Variants in RC3H1 observed in about 807,000 individuals in gnomAD.
RC3H1 encodes ring finger and CCCH-type domains 1.
Under a neutral mutation model 138.2 loss-of-function variants are expected in RC3H1, and 50 were observed. That is an observed-to-expected ratio of 0.36 (90% confidence interval 0.29 to 0.46). RC3H1 has a LOEUF of 0.46. RC3H1 is among the 20% of genes least tolerant of loss of function. The pLI is 1.00. For synonymous variants in RC3H1, 462 were observed against 489.1 expected (o/e 0.94, Z 0.73); for missense variants, 1,031 against 1,388.1 (o/e 0.74, Z 4.09).
Position 173,978,419 on chromosome 1 carries a change from T to A in RC3H1, c.1102+69A>T. ...GAAACCCTAGAGGAACAACAAAAGATAATTAAAGAATCATTGAGCAGCACG... is the reference window on the plus strand; with the variant it reads ...GAAACCCTAGAGGAACAACAAAAGAAAATTAAAGAATCATTGAGCAGCACG... On this transcript the variant is annotated intron_variant, in intron 7 of 19. Transcript: ENST00000367696. The A allele has an allele frequency of 2.0e-6, 3 of 1,522,542 alleles. No individual in the cohort carries two copies. The East Asian group carries it at 6.9e-5, about 35-fold the overall frequency. The allele number at this position is 1,522,542 out of a possible 1,614,324, so 94.3% of individuals were successfully genotyped here. A position where few individuals can be genotyped will look rare whatever the true frequency, so the allele number is the denominator to read the frequency against.
At chr1:173,965,928 C>T (rs1324060233) in intron 9 of RC3H1, among the ~76,000 whole-genome samples, 1 of 152,068 alleles carries the variant, frequency 6.6e-6, no homozygotes, top group Non-Finnish European at 1.5e-5. Flanking sequence ...ATCACTTGAG[C>T]TCAGGAGTTT....
At chr1:173,968,595 A>G (rs1042115311) in intron 9 of RC3H1, among the ~76,000 whole-genome samples, 1 of 152,134 alleles carries the variant, frequency 6.6e-6, no homozygotes, top group Non-Finnish European at 1.5e-5. Flanking sequence ...TTCTAGTACT[A>G]AAGTTTTTCC....
At chr1:173,980,772 G>T (rs1176892493) in intron 6 of RC3H1, 37 bp downstream of exon 6, 20 of 1,512,556 alleles carry the variant, frequency 1.3e-5, no homozygotes, top group Non-Finnish European at 1.7e-5. Flanking sequence ...AAAATGCCAA[G>T]ATTAGTCTAA....
intron 2 of RC3H1, among the ~76,000 whole-genome samples, chr1:173,989,544 T>C (rs1370536073): frequency 7.2e-5 from 11 of 152,146 alleles, no homozygotes; most frequent in Non-Finnish European, 1.5e-4. Flanking sequence ...CTTATCTTTT[T>C]CTTTTGTTCC....
At chr1:174,019,598 T>G (rs554334528) in intron 1 of RC3H1, among the ~76,000 whole-genome samples, 1 of 152,340 alleles carries the variant, frequency 6.6e-6, no homozygotes, top group Admixed American at 6.5e-5. Flanking sequence ...TACCCTTTTT[T>G]ATTTCTTCAA....
rs1658624802 is a variant in RC3H1, at chr1:173,936,823, C to T, written c.*1898G>A. ...ATAAGAAAACTGGAAAAAAAAAAAG[C>T]CTCACCTTCATTCAGTGCTTCTACC... On this transcript the variant is annotated 3_prime_UTR_variant, in exon 20 of 20. Coordinates refer to ENST00000367696, the MANE Select transcript of RC3H1 (RefSeq NM_172071.4). The T allele has an allele frequency of 7.6e-6, 1 of 132,192 alleles. No individual in the cohort carries two copies. Among genetic ancestry groups the T allele is most frequent in the South Asian group, 2.3e-4 (1 of 4,362 alleles). 8.2% of individuals were successfully genotyped at this position (132,192 alleles called of 1,614,324 possible). A position where few individuals can be genotyped will look rare whatever the true frequency, so the allele number is the denominator to read the frequency against.
At chr1:173,945,743 T>C (rs571774711) in intron 17 of RC3H1, among the ~76,000 whole-genome samples, 35 of 151,898 alleles carry the variant, frequency 2.3e-4, no homozygotes, top group Non-Finnish European at 4.0e-4. Flanking sequence ...AGTCTCACAC[T>C]GTAGCCTGGG....
chr1:173,939,708 G>A (rs565113696), intron 19 of RC3H1, among the ~76,000 whole-genome samples: 91 of 151,418 alleles, frequency 6.0e-4, no homozygotes, highest in African/African-American at 2.1e-3. Flanking sequence ...GGTGGCACGC[G>A]CCTGTAGTCC....
chr1:173,934,844 A>G lies in RC3H1; in HGVS notation c.*3877T>C, dbSNP rs1572102517. ...CAAGAAAAAAAAAGACATATATGGA[A>G]AAATGTAAACTTTGAGCTCCATCCC... On this transcript the variant is annotated 3_prime_UTR_variant, in exon 20 of 20. Coordinates refer to ENST00000367696, the MANE Select transcript of RC3H1 (RefSeq NM_172071.4). The G allele has an allele frequency of 6.6e-6, 1 of 152,234 alleles. No individual in the cohort carries two copies. The highest frequency in any genetic ancestry group is 1.9e-4 in the East Asian group (1 of 5,198). The allele number at this position is 152,234 out of a possible 1,614,324, so 9.4% of individuals were successfully genotyped here. A position where few individuals can be genotyped will look rare whatever the true frequency, so the allele number is the denominator to read the frequency against.
At chr1:173,976,923 C>CTT (rs542743644) in intron 7 of RC3H1, among the ~76,000 whole-genome samples, 9 of 132,512 alleles carry the variant, frequency 6.8e-5, no homozygotes, top group Admixed American at 7.4e-5. Flanking sequence ...GATGTGATTT[C>CTT]TTTTTTTTTT....
chr1:173,989,394 G>A (rs184388489), intron 2 of RC3H1, among the ~76,000 whole-genome samples: 35 of 152,244 alleles, frequency 2.3e-4, no homozygotes, highest in Admixed American at 2.2e-3. Context: ...GTAGAGATGG[G>A]GTTTTGCCAT....
In RC3H1 at chr1:173,988,448, T is replaced by C. The variant is rs529256996; in HGVS notation, c.232-3829A>G. 3.0e-4 allele frequency among the ~76,000 whole-genome samples: 46 copies of C among 152,374 alleles called. No individual in the cohort carries two copies. The South Asian group carries it at 8.7e-3, about 29-fold the overall frequency. On this transcript the variant is annotated intron_variant, in intron 2 of 19. Coordinates refer to ENST00000367696, the MANE Select transcript of RC3H1 (RefSeq NM_172071.4). ...TTATTTCATTTTATACAATGTGCCA[T>C]TGTATGGATATACCACTGTTTATCC...
rs1660407678 is a variant in RC3H1, at chr1:173,972,530, T to C, written c.1200A>G (p.Lys400=). Residue 400 remains lysine, a synonymous_variant, in exon 8 of 20, where the codon AAA becomes AAG. Coordinates refer to ENST00000367696, the MANE Select transcript of RC3H1 (RefSeq NM_172071.4). ...TTACCTGCTGCTGATCTGCTCCTTTTTTGCTGTGGTTCTGGATATAATCAA... is the reference window on the plus strand; with the variant it reads ...TTACCTGCTGCTGATCTGCTCCTTTCTTGCTGTGGTTCTGGATATAATCAA... ...GLVDYIQNHS[K]KGADQQQPPQ... 8 of 1,613,844 alleles carry C rather than the reference T, an allele frequency of 5.0e-6. No homozygotes were observed. The highest frequency in any genetic ancestry group is 6.8e-6 in the Non-Finnish European group (8 of 1,179,710).
chr1:173,934,182 ACTT>A lies in RC3H1; in HGVS notation c.*4536_*4538del, dbSNP rs1167231716. ...TGTATGTAAGTGACAGCAACTGAAT[ACTT>A]CTTTACTGAGACGAATCCTTTTTTT... On this transcript the variant is annotated 3_prime_UTR_variant, in exon 20 of 20. Transcript: ENST00000367696. The A allele has an allele frequency of 6.6e-6, 1 of 152,198 alleles. No individual in the cohort carries two copies. Among genetic ancestry groups the A allele is most frequent in the African/African-American group, 2.4e-5 (1 of 41,448 alleles). 9.4% of individuals were successfully genotyped at this position (152,198 alleles called of 1,614,324 possible).
rs946519978 is a variant in RC3H1, at chr1:173,937,539, T to G, written c.*1182A>C. ...GAATTAAAAAAAAAAAAAACCTTAC[T>G]CTTTTCAATATTTTCATGAAGAAAC... On this transcript the variant is annotated 3_prime_UTR_variant, in exon 20 of 20. Coordinates refer to ENST00000367696, the MANE Select transcript of RC3H1 (RefSeq NM_172071.4). 6.6e-6 allele frequency: 1 copy of G among 152,228 alleles called. No individual in the cohort carries two copies. Among genetic ancestry groups the G allele is most frequent in the Non-Finnish European group, 1.5e-5 (1 of 67,970 alleles). 9.4% of individuals were successfully genotyped at this position (152,228 alleles called of 1,614,324 possible).
intron 1 of RC3H1, among the ~76,000 whole-genome samples, chr1:173,999,550 C>T (rs1224305972): frequency 6.6e-6 from 1 of 152,198 alleles, no homozygotes; most frequent in African/African-American, 2.4e-5. Flanking sequence ...CAAATAACTA[C>T]ATATTGTGAG....
chr1:173,955,263 TACAACAACAACA>T (rs72151707), intron 13 of RC3H1, among the ~76,000 whole-genome samples: 7 of 131,772 alleles, frequency 5.3e-5, no homozygotes, highest in East Asian at 4.5e-4. Flanking sequence ...ACAATCTTCA[TACAACAACAACA>T]ACAACAACAA....
At chr1:173,983,068 T>C in intron 4 of RC3H1, 166 bp from the exon 5 acceptor site, 1 of 530,600 alleles carries the variant, frequency 1.9e-6, no homozygotes, top group East Asian at 3.2e-5. Flanking sequence ...AGCAATTTTG[T>C]ATTACATTCT....
At chr1:173,942,350 TG>T (rs1658912012) in intron 18 of RC3H1, among the ~76,000 whole-genome samples, 2 of 137,604 alleles carry the variant, frequency 1.5e-5, no homozygotes, top group Non-Finnish European at 3.0e-5. Context: ...GGAGAATCAC[TG>T]GAACATGGGA....
Sources: gnomAD v4.1 joint callset for allele counts (sites outside exome capture counted in the v4.1 genomes callset) on GRCh38, gnomAD v4.1.1 for gene constraint, MANE v1.5 for transcripts, NCBI Gene and HGNC (gene_info 2026-07-23, HGNC 2026-07-21) for gene names.